Variants in CUX1 observed in about 807,000 individuals in gnomAD.
The protein encoded by CUX1 is protein CASP.
In CUX1, 31 loss-of-function variants were observed where a neutral mutation model predicts 158.8. The observed-to-expected ratio is 0.20, with a 90% CI of 0.15 to 0.26. The LOEUF (loss-of-function observed/expected upper bound fraction) is 0.26, where lower values mean the gene tolerates loss of function less well. CUX1 is among the 10% of genes least tolerant of loss of function. The probability of loss-of-function intolerance (pLI) is 1.00; values close to 1 mark genes in which losing one functional copy is unlikely to be tolerated. For missense variants in CUX1, 1,589 were observed against 2,014.6 expected, an observed-to-expected ratio of 0.79 and a Z score of 4.04; for synonymous variants, 879 against 862.1, an observed-to-expected ratio of 1.02 and a Z score of -0.34.
chr7:102,169,140 T>G (rs1417623802), intron 9 of CUX1, among the ~76,000 whole-genome samples: 1 of 151,560 alleles, frequency 6.6e-6, no homozygotes, highest in African/African-American at 2.4e-5. Context: ...TCCACGTTGG[T>G]CAGGCTGGTC....
intron 8 of CUX1, among the ~76,000 whole-genome samples, chr7:102,124,043 G>T (rs927775151): frequency 1.3e-5 from 2 of 152,142 alleles, no homozygotes; most frequent in Admixed American, 1.3e-4. Context: ...TGGGTTTGGC[G>T]TGCATTCCTA....
intron 1 of CUX1, among the ~76,000 whole-genome samples, chr7:101,832,349 G>T (rs1794128642): frequency 6.6e-6 from 1 of 152,306 alleles, no homozygotes; most frequent in African/African-American, 2.4e-5. Flanking sequence ...GGAACAGCAG[G>T]GGCAGGGAAC....
At chr7:101,905,588 C>A (rs1427014024) in intron 1 of CUX1, among the ~76,000 whole-genome samples, 3 of 152,216 alleles carry the variant, frequency 2.0e-5, no homozygotes, top group Non-Finnish European at 4.4e-5. Flanking sequence ...AACATCCTCT[C>A]TTCTTCAGGG....
chr7:102,029,231 G>T (rs1313457476), intron 3 of CUX1, among the ~76,000 whole-genome samples: 2 of 152,086 alleles, frequency 1.3e-5, no homozygotes, highest in African/African-American at 4.8e-5. Context: ...GACCTCAGGT[G>T]ATCCACCTGC....
At chr7:101,968,324 TC>T (rs1811479121) in intron 2 of CUX1, among the ~76,000 whole-genome samples, 1 of 151,946 alleles carries the variant, frequency 6.6e-6, no homozygotes, top group Non-Finnish European at 1.5e-5. Flanking sequence ...GAGTCTGGGG[TC>T]CAGGTGGGTC....
chr7:102,151,786 A>G (rs1367901293), intron 8 of CUX1, among the ~76,000 whole-genome samples: 1 of 148,896 alleles, frequency 6.7e-6, no homozygotes, highest in African/African-American at 2.5e-5. Flanking sequence ...CCAAAGCAAG[A>G]CCCGCCTCCT....
chr7:102,257,965 T>C lies in CUX1; in HGVS notation c.*8923T>C, dbSNP rs1157093818. On this transcript the variant is annotated 3_prime_UTR_variant, in exon 24 of 24. Coordinates refer to ENST00000292535, the MANE Select transcript of CUX1 (RefSeq NM_181552.4). ...GGTGTGTTGCTGTGTGACATCTCTCTGGTAACATTTTATTTCTTGCTATTT... is the reference window on the plus strand; with the variant it reads ...GGTGTGTTGCTGTGTGACATCTCTCCGGTAACATTTTATTTCTTGCTATTT... 1 of 983,420 alleles carries C rather than the reference T, an allele frequency of 1.0e-6. No homozygotes were observed. Among genetic ancestry groups the C allele is most frequent in the Non-Finnish European group, 1.2e-6 (1 of 829,602 alleles). The allele number at this position is 983,420 out of a possible 1,614,324, so 60.9% of individuals were successfully genotyped here. A position where few individuals can be genotyped will look rare whatever the true frequency, so the allele number is the denominator to read the frequency against.
At chr7:102,034,838 G>A (rs1821234447) in intron 3 of CUX1, among the ~76,000 whole-genome samples, 1 of 151,758 alleles carries the variant, frequency 6.6e-6, no homozygotes, top group Non-Finnish European at 1.5e-5. Flanking sequence ...GGAGGCTGAA[G>A]CAGGAGAATC....
chr7:101,905,892 C>T (rs907665387), intron 1 of CUX1, among the ~76,000 whole-genome samples: 1 of 152,006 alleles, frequency 6.6e-6, no homozygotes, highest in Non-Finnish European at 1.5e-5. Context: ...CTTGCTCTGT[C>T]GCCCAGGCTG....
chr7:102,236,791 GA>G (rs1554533025), intron 22 of CUX1, among the ~76,000 whole-genome samples: 1 of 152,130 alleles, frequency 6.6e-6, no homozygotes, highest in African/African-American at 2.4e-5. Flanking sequence ...GGGCCCTTAG[GA>G]AAGGACCTTA....
chr7:102,042,301 G>A (rs1326616820), intron 3 of CUX1, among the ~76,000 whole-genome samples: 1 of 152,134 alleles, frequency 6.6e-6, no homozygotes, highest in East Asian at 1.9e-4. Context: ...GGCCTGGGGT[G>A]GAACCTTAGA....
downstream of CUX1, among the ~76,000 whole-genome samples, chr7:102,261,932 A>G (rs1790429303): frequency 6.6e-6 from 1 of 152,172 alleles, no homozygotes; most frequent in Admixed American, 6.5e-5. Context: ...ACCCTGGGAC[A>G]CATAGCAAGA....
chr7:101,971,800 G>A (rs1269458310), intron 2 of CUX1, among the ~76,000 whole-genome samples: 1 of 152,196 alleles, frequency 6.6e-6, no homozygotes, highest in Non-Finnish European at 1.5e-5. Context: ...GCAACCAAGT[G>A]CCACTGGCAG....
At chr7:102,193,936 CTGGTT>C in intron 13 of CUX1, 46 bp downstream of exon 13, 1 of 1,567,816 alleles carries the variant, frequency 6.4e-7, no homozygotes, top group South Asian at 1.1e-5. Context: ...AGCCCCGCTG[CTGGTT>C]ACCACTGGTC....
Position 101,915,931 on chromosome 7 carries a change from TG to T in CUX1, c.31-178del, listed in dbSNP as rs541205573. Among the ~76,000 whole-genome samples, 649 of 152,104 alleles carry T rather than the reference TG, an allele frequency of 4.3e-3. 4 individuals carry two copies. The highest frequency in any genetic ancestry group is 7.2e-3 in the Non-Finnish European group (492 of 67,964). On this transcript the variant is annotated intron_variant, in intron 1 of 23. Transcript: ENST00000292535. ...CACTTCACATGGGACGGACGTGGGA[TG>T]GGGGGATAATGTTCATTTCTCTGCC...
chr7:101,843,698 TA>T (rs1795396676), intron 1 of CUX1, among the ~76,000 whole-genome samples: 1 of 152,188 alleles, frequency 6.6e-6, no homozygotes, highest in South Asian at 2.1e-4. Context: ...TCAAACAAGT[TA>T]AGTGATAGGG....
chr7:101,870,019 A>C (rs1415981395), intron 1 of CUX1, among the ~76,000 whole-genome samples: 1 of 150,510 alleles, frequency 6.6e-6, no homozygotes, highest in Non-Finnish European at 1.5e-5. Flanking sequence ...CCCCCTCCTG[A>C]GACCGCCTCC....
chr7:101,952,934 T>C (rs562064882), intron 2 of CUX1, among the ~76,000 whole-genome samples: 1 of 152,388 alleles, frequency 6.6e-6, no homozygotes, highest in East Asian at 1.9e-4. Context: ...CGGGACATTT[T>C]ATCCGTCTGT....
At position 102,168,918 on chromosome 7, in the gene CUX1, CTTTTCT is replaced by C. The variant is rs1273092256; in HGVS notation, c.724-1524_724-1519del. 2.9e-3 allele frequency among the ~76,000 whole-genome samples: 247 copies of C among 84,052 alleles called. 13 individuals are homozygous for C. Among genetic ancestry groups the C allele is most frequent in the African/African-American group, 5.9e-3 (85 of 14,462 alleles). 55.1% of individuals were successfully genotyped at this position (84,052 alleles called of 152,430 possible). On this transcript the variant is annotated intron_variant, in intron 9 of 23. Transcript: ENST00000292535. ...CTTTTCTTTTCTTTTCTTTTATTTT[CTTTTCT>C]TTTCTTTTATTTTCTTTTTTTTTTT... is the stretch of plus-strand genomic sequence containing the variant.
Sources: allele counts gnomAD v4.1 joint callset (sites outside exome capture counted in the v4.1 genomes callset), GRCh38; gene constraint gnomAD v4.1.1; transcripts MANE v1.5; gene names NCBI Gene and HGNC (gene_info 2026-07-23, HGNC 2026-07-21).